The following MUC22 variants were observed in gnomAD, a reference collection of about 807,000 sequenced individuals.
MUC22 encodes mucin 22.
MUC22 carries 24 observed loss-of-function variants against 40.3 expected under a neutral mutation model. That is an observed-to-expected ratio of 0.60 (90% confidence interval 0.43 to 0.84). The LOEUF (loss-of-function observed/expected upper bound fraction) is 0.84. Among genes scored for constraint, MUC22 ranks in the 40% least tolerant of loss-of-function variants. The pLI, the probability that MUC22 is intolerant of heterozygous loss-of-function variation, is 0.00. For missense variants in MUC22, 1,926 were observed against 2,130.7 expected (o/e 0.90, Z 1.89); for synonymous variants, 765 against 844.5 (o/e 0.91, Z 1.63).
intron 1 of MUC22, among the ~76,000 whole-genome samples, chr6:31,017,220 C>T (rs539326195): frequency 1.1e-4 from 16 of 152,360 alleles, no homozygotes; most frequent in African/African-American, 3.1e-4. Flanking sequence ...GCTCCATCTG[C>T]GGCCCAGGTG....
intron 1 of MUC22, among the ~76,000 whole-genome samples, chr6:31,021,132 G>A (rs147171105): frequency 0.12 from 18,426 of 152,332 alleles, 1,303 homozygotes; most frequent in African/African-American, 0.17. Flanking sequence ...CTGGCAGGCA[G>A]CTCCACCTGC....
At chr6:31,027,999 C>G in exon 2 of MUC22, 5 of 1,532,832 alleles carry the variant, frequency 3.3e-6, no homozygotes, top group Non-Finnish European at 4.4e-6. Context: ...CTGAGAACAC[C>G]ACAGCATCTA....
At chr6:31,018,516 C>A (rs1764429246) in intron 1 of MUC22, among the ~76,000 whole-genome samples, 1 of 127,792 alleles carries the variant, frequency 7.8e-6, no homozygotes, top group Non-Finnish European at 1.7e-5. Context: ...CTATTACCTT[C>A]AAAAAAACAA....
intron 1 of MUC22, among the ~76,000 whole-genome samples, chr6:31,016,120 T>C (rs1373765363): frequency 1.4e-5 from 2 of 145,988 alleles, no homozygotes; most frequent in African/African-American, 2.5e-5. Context: ...ATTTTTAAGA[T>C]GGCATCTCTT....
chr6:31,026,397 G>A lies in MUC22; in HGVS notation c.966G>A (p.Thr322=), dbSNP rs1040731105. 25 of 1,503,326 alleles carry A rather than the reference G, an allele frequency of 1.7e-5. No individual in the cohort carries two copies. The East Asian group carries it at 2.0e-4, about 12-fold the overall frequency. The allele number at this position is 1,503,326 out of a possible 1,614,324, so 93.1% of individuals were successfully genotyped here. The change falls in exon 2 of 4, where the codon ACG becomes ACA. Residue 322 remains threonine (T), a synonymous_variant. Coordinates refer to ENST00000561890, the Ensembl canonical transcript of MUC22. ...GTTCTGAGATCACCACCACCTCTAC[G>A]GCAGGATCCGAGAACACCACAGTCT...
chr6:31,029,533 G>T (rs775508028), exon 2 of MUC22: 24 of 1,527,706 alleles, frequency 1.6e-5, no homozygotes, highest in South Asian at 3.6e-5. Flanking sequence ...GACTACCACC[G>T]CCTCTACTGA....
intron 1 of MUC22, among the ~76,000 whole-genome samples, 154 bp downstream of exon 1, chr6:31,010,930 A>AGTTCT (rs1763824973): frequency 6.9e-6 from 1 of 144,992 alleles, no homozygotes; most frequent in South Asian, 2.2e-4. Context: ...TGCAAAAGCC[A>AGTTCT]GTACTGATCC....
intron 1 of MUC22, among the ~76,000 whole-genome samples, chr6:31,021,023 T>C (rs1333545074): frequency 9.7e-6 from 1 of 103,268 alleles, no homozygotes; most frequent in African/African-American, 3.7e-5. Flanking sequence ...TGGGCTTCTG[T>C]GCGGCCGGAG....
chr6:31,010,031 A>C (rs993536253), upstream of MUC22, among the ~76,000 whole-genome samples: 3 of 152,216 alleles, frequency 2.0e-5, no homozygotes, highest in African/African-American at 7.2e-5. Flanking sequence ...CTCTGGAGAA[A>C]GCCGGGCGTG....
chr6:31,025,536 C>T (rs1419664), exon 2 of MUC22: 247,506 of 1,517,528 alleles, frequency 0.16, 21,478 homozygotes, highest in Non-Finnish European at 0.17. Context: ...CAAAAGGCTC[C>T]GACACCACCA....
rs929718129 is a variant in MUC22, at chr6:31,026,414, C to CCA, written c.986_987dup (p.Val330GlnfsTer98). ...ACCTCTACGGCAGGATCCGAGAACA[C>CCA]CACAGTCTCTAGTGCAGGCTCTGGG... On this transcript the variant is annotated frameshift_variant, in exon 2 of 4. Coordinates refer to ENST00000561890, the Ensembl canonical transcript of MUC22. LOFTEE classifies it high-confidence loss of function. The CCA allele has an allele frequency of 4.6e-6, 7 of 1,508,084 alleles. No individual in the cohort carries two copies. In the African/African-American group the frequency reaches 9.7e-5, roughly 21 times the overall value. The allele number at this position is 1,508,084 out of a possible 1,614,324, so 93.4% of individuals were successfully genotyped here.
exon 2 of MUC22, chr6:31,025,665 C>T (rs1167748547): frequency 4.6e-5 from 70 of 1,533,144 alleles, no homozygotes; most frequent in Non-Finnish European, 5.9e-5. Flanking sequence ...CAACCTCAGC[C>T]TCCACCATGG....
chr6:31,017,893 A>G (rs1227295403), intron 1 of MUC22, among the ~76,000 whole-genome samples: 1 of 151,376 alleles, frequency 6.6e-6, no homozygotes. Context: ...ACTCTTTGTG[A>G]TAAATATTGC....
chr6:31,023,219 A>C (rs1008230743), intron 1 of MUC22, among the ~76,000 whole-genome samples: 38 of 151,978 alleles, frequency 2.5e-4, no homozygotes, highest in African/African-American at 8.7e-4. Context: ...CAGACGAGAA[A>C]AATAGAAAAC....
At chr6:31,028,828 T>A in exon 2 of MUC22, 1 of 1,532,666 alleles carries the variant, frequency 6.5e-7, no homozygotes, top group Non-Finnish European at 8.7e-7. Flanking sequence ...TACCATAGGC[T>A]CTGAGACCAC....
upstream of MUC22, among the ~76,000 whole-genome samples, chr6:31,006,822 T>A (rs1256506336): frequency 6.6e-6 from 1 of 152,090 alleles, no homozygotes; most frequent in Non-Finnish European, 1.5e-5. Flanking sequence ...AAACCTAGAC[T>A]ATTGAGGAAG....
Position 31,011,232 on chromosome 6 carries a change from G to A in MUC22, c.70+456G>A, listed in dbSNP as rs2150740208. 6.6e-6 allele frequency among the ~76,000 whole-genome samples: 1 copy of A among 152,036 alleles called. No homozygotes were observed. The highest frequency in any genetic ancestry group is 2.1e-4 in the South Asian group (1 of 4,814). ...TTTTCCATAGGTTATTTGGGTACAGGTGATATTTGGTTATGTAAGTGCTTT... is the reference window on the plus strand; with the variant it reads ...TTTTCCATAGGTTATTTGGGTACAGATGATATTTGGTTATGTAAGTGCTTT... On this transcript the variant is annotated intron_variant, in intron 1 of 3. Transcript: ENST00000561890. This position sits in a 1 kb window ranked among gnomAD's most constrained non-coding sequence, Gnocchi z 4.5.
At chr6:31,022,659 G>A (rs1764957748) in intron 1 of MUC22, among the ~76,000 whole-genome samples, 1 of 152,120 alleles carries the variant, frequency 6.6e-6, no homozygotes, top group Non-Finnish European at 1.5e-5. Context: ...AGTGGTACAA[G>A]GGATAGAAAA....
upstream of MUC22, among the ~76,000 whole-genome samples, chr6:31,007,525 A>C (rs1282949194): frequency 6.6e-6 from 1 of 152,168 alleles, no homozygotes; most frequent in African/African-American, 2.4e-5. The surrounding 1 kb of genome is among the most constrained non-coding windows in gnomAD (Gnocchi z 4.0). Flanking sequence ...GGTAAACTAA[A>C]ATTAGAAGGG....
Sources: allele counts gnomAD v4.1 joint callset (sites outside exome capture counted in the v4.1 genomes callset), GRCh38; gene constraint gnomAD v4.1.1; non-coding constraint Gnocchi (gnomAD v3.1); transcripts MANE v1.5; gene names NCBI Gene and HGNC (gene_info 2026-07-23, HGNC 2026-07-21).